The following ADD3 variants were observed in gnomAD, a reference collection of about 807,000 sequenced individuals.
The protein encoded by ADD3 is gamma-adducin.
Under a neutral mutation model 80.2 loss-of-function variants are expected in ADD3, and 25 were observed. The ratio of observed to expected loss-of-function variants is 0.31; its 90% CI spans 0.23 to 0.44. The LOEUF (loss-of-function observed/expected upper bound fraction) is 0.44, where lower values mean the gene tolerates loss of function less well. Ranked by LOEUF, ADD3 falls within the 20% of genes least tolerant of loss-of-function variation. The pLI is 1.00. For missense variants in ADD3, 829 were observed against 847.5 expected, an observed-to-expected ratio of 0.98 and a Z score of 0.27; for synonymous variants, 284 against 289.6, an observed-to-expected ratio of 0.98 and a Z score of 0.20.
intron 9 of ADD3, among the ~76,000 whole-genome samples, chr10:110,122,957 A>T (rs565019153): frequency 1.0e-3 from 156 of 152,254 alleles, no homozygotes; most frequent in Non-Finnish European, 1.8e-3. Context: ...GACTCTGTAT[A>T]TAAGTGAGAT....
intron 2 of ADD3, among the ~76,000 whole-genome samples, chr10:110,104,686 T>G (rs1849220309): frequency 6.6e-6 from 1 of 152,204 alleles, no homozygotes; most frequent in South Asian, 2.1e-4. Context: ...GGAGAGAAAT[T>G]AATAAAAGCA....
chr10:110,013,129 GTCTC>G (rs1012254496), intron 1 of ADD3, among the ~76,000 whole-genome samples: 2 of 152,114 alleles, frequency 1.3e-5, no homozygotes, highest in Non-Finnish European at 2.9e-5. Context: ...TTGAGATGGA[GTCTC>G]TCTCTGTCAT....
chr10:109,996,527 T>C (rs1161390122), intron 1 of ADD3: 3 of 152,356 alleles, frequency 2.0e-5, no homozygotes, highest in Middle Eastern at 3.4e-3. Context: ...AACAAATGAC[T>C]AGGATTTAAC....
rs59949041 is a variant in ADD3, at chr10:110,018,526, CAAAAAAAAAAAAAAA to C, written c.-30+10238_-30+10252del. Among the ~76,000 whole-genome samples, 3 of 49,542 alleles carry C rather than the reference CAAAAAAAAAAAAAAA, an allele frequency of 6.1e-5. No homozygotes were observed. In the South Asian group the frequency reaches 3.9e-3, roughly 65 times the overall value. 32.5% of individuals were successfully genotyped at this position (49,542 alleles called of 152,430 possible). On this transcript the variant is annotated intron_variant, in intron 1 of 14. Coordinates refer to ENST00000356080, the MANE Select transcript of ADD3 (RefSeq NM_016824.5). ...CTGGGTGACAAGTGAGACTTTGTCT[CAAAAAAAAAAAAAAA>C]AAAAAAAAAAGAGTTGGAGTGGTCA...
chr10:110,037,772 T>C (rs765525999), intron 1 of ADD3, among the ~76,000 whole-genome samples: 4 of 151,610 alleles, frequency 2.6e-5, no homozygotes, highest in Non-Finnish European at 4.4e-5. Context: ...TCATAAGATA[T>C]TTGGAAAATA....
At chr10:110,021,934 G>A (rs1394061202) in intron 1 of ADD3, among the ~76,000 whole-genome samples, 1 of 152,184 alleles carries the variant, frequency 6.6e-6, no homozygotes, top group African/African-American at 2.4e-5. Flanking sequence ...TCAGATGTAT[G>A]GAAGAATAAC....
At chr10:110,114,131 G>A (rs1300655538) in intron 3 of ADD3, among the ~76,000 whole-genome samples, 1 of 152,230 alleles carries the variant, frequency 6.6e-6, no homozygotes, top group African/African-American at 2.4e-5. Flanking sequence ...CAAAGGCATG[G>A]CAGGAGGAAA....
intron 1 of ADD3, among the ~76,000 whole-genome samples, chr10:110,091,909 TAAGAA>T (rs1451949825): frequency 6.6e-6 from 1 of 152,082 alleles, no homozygotes. Context: ...AACAACCCCT[TAAGAA>T]AATAGTCTCA....
chr10:110,000,372 A>C (rs559989259), intron 1 of ADD3, among the ~76,000 whole-genome samples: 3 of 152,328 alleles, frequency 2.0e-5, no homozygotes, highest in African/African-American at 7.2e-5. Context: ...GGTCTGAAAA[A>C]TCAGATCAAT....
upstream of ADD3, chr10:110,006,010 C>T: frequency 1.6e-5 from 4 of 243,056 alleles, no homozygotes; most frequent in South Asian, 4.6e-5. Context: ...CTGCTGCCGC[C>T]GCCGCCGCTG....
At chr10:110,116,469 C>G in intron 4 of ADD3, 59 bp downstream of exon 4, 1 of 1,536,722 alleles carries the variant, frequency 6.5e-7, no homozygotes, top group South Asian at 1.2e-5. Flanking sequence ...GGCAACTATA[C>G]TCTTCTTACC....
chr10:109,999,010 C>T (rs1021988686), intron 1 of ADD3, among the ~76,000 whole-genome samples: 7 of 152,148 alleles, frequency 4.6e-5, no homozygotes, highest in African/African-American at 1.7e-4. Context: ...ACTACTTTGT[C>T]TCTACCACCC....
At chr10:110,065,625 C>CGCCTCCCAGGTTCAAGTGATCCTCCT (rs1843854460) in intron 1 of ADD3, among the ~76,000 whole-genome samples, 1 of 142,412 alleles carries the variant, frequency 7.0e-6, no homozygotes, top group Admixed American at 7.6e-5. Context: ...CTGCACCCTC[C>CGCCTCCCAGGTTCAAGTGATCCTCCT]GCCTCCCAGG....
chr10:110,118,074 A>ACACACACACACACACAC (rs1565014036), intron 5 of ADD3, among the ~76,000 whole-genome samples: 5 of 138,864 alleles, frequency 3.6e-5, no homozygotes, highest in East Asian at 2.1e-4. Context: ...ACACACACAC[A>ACACACACACACACACAC]ATGTTCATAG....
intron 12 of ADD3, 85 bp from the exon 13 acceptor site, chr10:110,130,278 A>G: frequency 7.5e-7 from 1 of 1,339,468 alleles, no homozygotes. Context: ...TCATATTTGC[A>G]TTTATGTGTA....
At chr10:110,029,519 A>T (rs1196644283) in intron 1 of ADD3, among the ~76,000 whole-genome samples, 1 of 152,170 alleles carries the variant, frequency 6.6e-6, no homozygotes, top group East Asian at 1.9e-4. Flanking sequence ...ATATTTTGAG[A>T]TATTTATTTG....
At chr10:110,028,134 A>C (rs1564858653) in intron 1 of ADD3, among the ~76,000 whole-genome samples, 1 of 152,232 alleles carries the variant, frequency 6.6e-6, no homozygotes, top group East Asian at 1.9e-4. Context: ...AGTGTGTAAT[A>C]TGGATAATAT....
chr10:110,004,309 C>A (rs1250519960), upstream of ADD3, among the ~76,000 whole-genome samples: 3 of 150,922 alleles, frequency 2.0e-5, no homozygotes, highest in African/African-American at 7.3e-5. Context: ...CCGAGACAGG[C>A]GGATCACAAG....
At chr10:110,090,216 C>CTTTTTTTT (rs144120692) in intron 1 of ADD3, among the ~76,000 whole-genome samples, 2 of 113,922 alleles carry the variant, frequency 1.8e-5, no homozygotes, top group African/African-American at 3.7e-5. Context: ...ACCTACTTGA[C>CTTTTTTTT]TTTTTTTTTT....
Sources: allele counts gnomAD v4.1 joint callset (sites outside exome capture counted in the v4.1 genomes callset), GRCh38; gene constraint gnomAD v4.1.1; transcripts MANE v1.5; gene names NCBI Gene and HGNC (gene_info 2026-07-23, HGNC 2026-07-21).